YTHDC1: variants seen among roughly 807,000 people sequenced by gnomAD.
YTHDC1 encodes the protein YTH N6-methyladenosine RNA binding protein C1.
In YTHDC1, 12 loss-of-function variants were observed where a neutral mutation model predicts 107.0. The ratio of observed to expected loss-of-function variants is 0.11; its 90% CI spans 0.07 to 0.18. The LOEUF is 0.18. Ranked by LOEUF, YTHDC1 falls within the 10% of genes least tolerant of loss-of-function variation. The pLI is 1.00. For synonymous variants in YTHDC1, 280 were observed against 289.5 expected (o/e 0.97, Z 0.33); for missense variants, 635 against 898.8 (o/e 0.71, Z 3.75).
At position 68,311,550 on chromosome 4, in the gene YTHDC1, C is replaced by T. The variant is rs968254427; in HGVS notation, c.*2549G>A. 3.3e-5 allele frequency: 5 copies of T among 151,934 alleles called. No homozygotes were observed. The highest frequency in any genetic ancestry group is 7.4e-5 in the Non-Finnish European group (5 of 68,024). The allele number at this position is 151,934 out of a possible 1,614,324, so 9.4% of individuals were successfully genotyped here. A position where few individuals can be genotyped will look rare whatever the true frequency, so the allele number is the denominator to read the frequency against. On this transcript the variant is annotated 3_prime_UTR_variant, in exon 17 of 17. Transcript: ENST00000344157. Reference sequence around the variant, plus strand: ...ACAGTGACAAAAGCTGTCATGTGTACGAATATTAAATAAAACATACTGATT... The same window carrying T: ...ACAGTGACAAAAGCTGTCATGTGTATGAATATTAAATAAAACATACTGATT...
chr4:68,339,323 T>A (rs1724561861), intron 1 of YTHDC1, among the ~76,000 whole-genome samples: 1 of 152,122 alleles, frequency 6.6e-6, no homozygotes, highest in Admixed American at 6.6e-5. Context: ...TCCAAATATG[T>A]CACTGTCATG....
chr4:68,333,266 T>C, intron 5 of YTHDC1, 42 bp downstream of exon 5: 1 of 1,484,882 alleles, frequency 6.7e-7, no homozygotes, highest in Non-Finnish European at 9.3e-7. Context: ...TAAAGCAGAT[T>C]ACATTAGAAT....
At chr4:68,315,714 T>G (rs1269451941) in intron 16 of YTHDC1, 1 of 152,180 alleles carries the variant, frequency 6.6e-6, no homozygotes, top group East Asian at 1.9e-4. Flanking sequence ...TCACTGGTCC[T>G]GTTTTGAAGC....
At chr4:68,340,374 T>C (rs547599869) in intron 1 of YTHDC1, among the ~76,000 whole-genome samples, 2 of 152,276 alleles carry the variant, frequency 1.3e-5, no homozygotes, top group South Asian at 2.1e-4. Flanking sequence ...GTACTTTCTA[T>C]CATTTTTCTA....
intron 9 of YTHDC1, among the ~76,000 whole-genome samples, chr4:68,325,196 TCCATAG>T (rs1180538130): frequency 6.6e-6 from 1 of 152,148 alleles, no homozygotes; most frequent in Non-Finnish European, 1.5e-5. Flanking sequence ...TAACCTTTCT[TCCATAG>T]CCATCGAAGA....
At chr4:68,333,928 T>A (rs1276821197) in intron 4 of YTHDC1, among the ~76,000 whole-genome samples, 1 of 152,174 alleles carries the variant, frequency 6.6e-6, no homozygotes, top group Non-Finnish European at 1.5e-5. Context: ...CTTGTTTTTG[T>A]GTCTTCTATT....
intron 13 of YTHDC1, 40 bp from the exon 14 acceptor site, chr4:68,318,769 T>C: frequency 6.2e-7 from 1 of 1,614,082 alleles, no homozygotes; most frequent in South Asian, 1.1e-5. Context: ...TTCAGGTAAT[T>C]CATAAACTAG....
chr4:68,337,981 T>TAC, intron 2 of YTHDC1, 81 bp from the exon 3 acceptor site: 1 of 1,510,020 alleles, frequency 6.6e-7, no homozygotes, highest in Non-Finnish European at 8.8e-7. Flanking sequence ...CAATAATATA[T>TAC]ACATCAGGAA....
chr4:68,326,007 C>G (rs181720606), intron 9 of YTHDC1, among the ~76,000 whole-genome samples: 313 of 152,084 alleles, frequency 2.1e-3, no homozygotes, highest in African/African-American at 7.0e-3. Flanking sequence ...TATCCAGAGG[C>G]AGAGATCTAG....
intron 1 of YTHDC1, among the ~76,000 whole-genome samples, chr4:68,348,609 A>C (rs1725708856): frequency 6.6e-6 from 1 of 152,036 alleles, no homozygotes. Flanking sequence ...CACCCATTCC[A>C]CTTTCCCAGC....
intron 16 of YTHDC1, 71 bp from the exon 17 acceptor site, chr4:68,314,394 A>G: frequency 1.5e-6 from 2 of 1,321,376 alleles, no homozygotes; most frequent in Non-Finnish European, 1.0e-6. Flanking sequence ...CTGATTTGAA[A>G]AAAAAATTTA....
intron 4 of YTHDC1, among the ~76,000 whole-genome samples, chr4:68,333,735 G>A (rs1387585444): frequency 6.6e-6 from 1 of 151,930 alleles, no homozygotes; most frequent in Non-Finnish European, 1.5e-5. Flanking sequence ...TCAAAACTGT[G>A]TCCTTTCTAC....
Position 68,333,173 on chromosome 4 carries a change from G to C in YTHDC1, c.973+135C>G, listed in dbSNP as rs1368183605. On this transcript the variant is annotated intron_variant, in intron 5 of 16. Transcript: ENST00000344157. Reference sequence around the variant, plus strand: ...ATAAGAAAAAGCTTAGTTTTCTCTAGAATTATTACACTGAACATGCCAAAA... The same window carrying C: ...ATAAGAAAAAGCTTAGTTTTCTCTACAATTATTACACTGAACATGCCAAAA... 11 of 660,836 alleles carry C rather than the reference G, an allele frequency of 1.7e-5. No homozygotes were observed. In the East Asian group the frequency reaches 2.7e-4, roughly 16 times the overall value. The allele number at this position is 660,836 out of a possible 1,614,324, so 40.9% of individuals were successfully genotyped here. A position where few individuals can be genotyped will look rare whatever the true frequency, so the allele number is the denominator to read the frequency against.
At chr4:68,321,436 T>C (rs919148995) in intron 11 of YTHDC1, among the ~76,000 whole-genome samples, 1 of 152,220 alleles carries the variant, frequency 6.6e-6, no homozygotes, top group African/African-American at 2.4e-5. Context: ...ACAGTTCATA[T>C]AGTAGTCCAA....
Position 68,310,828 on chromosome 4 carries a change from A to C in YTHDC1, c.*3271T>G, listed in dbSNP as rs900472802. The stretch of plus-strand genomic sequence containing the variant: ...AATTCCATGCCCCTGAGGACTCTTA[A>C]TGGTTAACATTATGACAAGACAGGA... On this transcript the variant is annotated 3_prime_UTR_variant, in exon 17 of 17. Transcript: ENST00000344157. The C allele has an allele frequency of 6.6e-6, 1 of 152,200 alleles. No homozygotes were observed. The highest frequency in any genetic ancestry group is 2.1e-4 in the South Asian group (1 of 4,832). 9.4% of individuals were successfully genotyped at this position (152,200 alleles called of 1,614,324 possible).
In YTHDC1 at chr4:68,338,320, A is replaced by G. The variant is rs1265941695; in HGVS notation, c.93T>C (p.Tyr31=). Residue 31 remains tyrosine (Y), a synonymous_variant, in exon 2 of 17, where the codon TAT becomes TAC. Transcript: ENST00000344157. ...TTTTATCTTGTTCACTCTCTGGATT[A>G]TACAGTTCATCATCTTGTTCTGGTA... The part of the protein sequence containing the change: ...TEVPEQDDEL[Y]NPESEQDKNE... The G allele has an allele frequency of 6.2e-7, 1 of 1,609,240 alleles. No homozygotes were observed. Among genetic ancestry groups the G allele is most frequent in the African/African-American group, 1.3e-5 (1 of 74,694 alleles).
Position 68,324,132 on chromosome 4 carries a change from C to T in YTHDC1, c.1434+7G>A, listed in dbSNP as rs762417727. On this transcript the variant is annotated splice_region_variant and intron_variant, in intron 10 of 16. Transcript: ENST00000344157. ...GTTTTTTTAAAGAATCAATTAAGGC[C>T]ACAAACCTGTCCATCACGTCCGATC... 3.7e-6 allele frequency: 6 copies of T among 1,610,892 alleles called. No homozygotes were observed. Among genetic ancestry groups the T allele is most frequent in the South Asian group, 1.1e-5 (1 of 90,604 alleles).
chr4:68,325,066 AAAAC>A (rs1425872752), intron 9 of YTHDC1, among the ~76,000 whole-genome samples: 12 of 152,334 alleles, frequency 7.9e-5, no homozygotes, highest in African/African-American at 2.6e-4. Context: ...GCCTGTGCAT[AAAAC>A]AAATAATGCC....
chr4:68,340,291 T>A (rs565172685), intron 1 of YTHDC1, among the ~76,000 whole-genome samples: 11 of 152,218 alleles, frequency 7.2e-5, no homozygotes, highest in African/African-American at 2.6e-4. Flanking sequence ...ACAGACACAA[T>A]CTAAAGATAT....
Sources: allele counts gnomAD v4.1 joint callset (sites outside exome capture counted in the v4.1 genomes callset), GRCh38; gene constraint gnomAD v4.1.1; transcripts MANE v1.5; gene names NCBI Gene and HGNC (gene_info 2026-07-23, HGNC 2026-07-21).